The following DLG2 variants were observed in gnomAD, a reference collection of about 807,000 sequenced individuals.
DLG2 encodes discs large MAGUK scaffold protein 2.
A neutral mutation model predicts 132.5 loss-of-function variants in DLG2; 45 were observed. The ratio of observed to expected loss-of-function variants is 0.34; its 90% confidence interval spans 0.27 to 0.44. The LOEUF (loss-of-function observed/expected upper bound fraction) is 0.44, where lower values mean the gene tolerates loss of function less well. Among genes scored for constraint, DLG2 ranks in the 20% least tolerant of loss-of-function variants. The pLI, the probability that DLG2 is intolerant of heterozygous loss-of-function variation, is 1.00. For missense variants in DLG2, 1,045 were observed against 1,196.9 expected (o/e 0.87, Z 1.87); for synonymous variants, 424 against 419.6 (o/e 1.01, Z -0.13).
chr11:84,019,214 G>T (rs927433410), intron 11 of DLG2, among the ~76,000 whole-genome samples: 2 of 152,034 alleles, frequency 1.3e-5, no homozygotes, highest in African/African-American at 4.8e-5. Context: ...TATTCTCTAT[G>T]TGTGCATGTA....
intron 6 of DLG2, among the ~76,000 whole-genome samples, chr11:84,859,385 CATACATATATATGTATAT>C (rs1309714534): frequency 6.4e-5 from 9 of 141,640 alleles, no homozygotes; most frequent in African/African-American, 1.3e-4. Context: ...CATATATATG[CATACATATATATGTATAT>C]ATACATATAT....
At chr11:84,143,764 T>C (rs1436521320) in intron 9 of DLG2, among the ~76,000 whole-genome samples, 2 of 152,180 alleles carry the variant, frequency 1.3e-5, no homozygotes, top group Non-Finnish European at 2.9e-5. Flanking sequence ...TTCCTTTTCC[T>C]TTCTTCCCAC....
chr11:84,984,746 C>T (rs751108695), intron 6 of DLG2, among the ~76,000 whole-genome samples: 11 of 152,164 alleles, frequency 7.2e-5, no homozygotes, highest in Non-Finnish European at 1.2e-4. Context: ...AAGAGACACA[C>T]CTAACATAAG....
chr11:84,082,097 G>A (rs369567678), intron 10 of DLG2, among the ~76,000 whole-genome samples: 3 of 152,056 alleles, frequency 2.0e-5, no homozygotes, highest in African/African-American at 4.8e-5. Context: ...TTTTTCATGT[G>A]TCTGTTGGCT....
At chr11:85,038,055 T>C (rs531351074) in intron 6 of DLG2, among the ~76,000 whole-genome samples, 6 of 152,014 alleles carry the variant, frequency 3.9e-5, no homozygotes, top group Non-Finnish European at 7.4e-5. Context: ...ATAAAACCAA[T>C]GCATGTAAAT....
At chr11:83,978,375 G>A (rs535465783) in intron 12 of DLG2, among the ~76,000 whole-genome samples, 2 of 151,884 alleles carry the variant, frequency 1.3e-5, no homozygotes, top group South Asian at 2.1e-4. Flanking sequence ...AGAACGAAAC[G>A]GTCTTCATTT....
chr11:84,430,437 C>CA (rs556329699), intron 7 of DLG2, among the ~76,000 whole-genome samples: 335 of 69,746 alleles, frequency 4.8e-3, no homozygotes, highest in East Asian at 0.025. Flanking sequence ...GACTCCATCT[C>CA]AAAAAAAAAA....
intron 11 of DLG2, among the ~76,000 whole-genome samples, chr11:84,029,004 A>G (rs182299888): frequency 7.2e-4 from 110 of 152,254 alleles, no homozygotes; most frequent in African/African-American, 2.4e-3. Context: ...TGAATGAATG[A>G]ACAAATCAAC....
chr11:83,720,448 T>G (rs1186552703), intron 18 of DLG2, among the ~76,000 whole-genome samples: 1 of 151,862 alleles, frequency 6.6e-6, no homozygotes, highest in Non-Finnish European at 1.5e-5. Flanking sequence ...TTTTCAAGAT[T>G]CTCAAAAGCC....
At chr11:84,285,848 C>T (rs2097904277) in intron 7 of DLG2, among the ~76,000 whole-genome samples, 1 of 152,164 alleles carries the variant, frequency 6.6e-6, no homozygotes, top group Non-Finnish European at 1.5e-5. Context: ...TACAATGTAT[C>T]ATCTATATAT....
chr11:84,483,195 G>T (rs1346152403), intron 7 of DLG2, among the ~76,000 whole-genome samples: 4 of 152,116 alleles, frequency 2.6e-5, no homozygotes, highest in African/African-American at 9.7e-5. Context: ...CACTTTGGGA[G>T]GCCGAGGCGG....
chr11:83,906,039 ATGTC>A (rs1213972165), intron 15 of DLG2, among the ~76,000 whole-genome samples: 4 of 140,842 alleles, frequency 2.8e-5, no homozygotes, highest in African/African-American at 8.2e-5. Flanking sequence ...GCTATATCAG[ATGTC>A]TGTCTGTCTG....
intron 3 of DLG2, among the ~76,000 whole-genome samples, chr11:85,364,238 C>T (rs1288580881): frequency 6.6e-6 from 1 of 151,940 alleles, no homozygotes; most frequent in East Asian, 1.9e-4. Context: ...CTGTCTATGC[C>T]CCCAACCATA....
chr11:83,743,074 G>T lies in DLG2; in HGVS notation c.1825+43616C>A, dbSNP rs77815218. Among the ~76,000 whole-genome samples, 6 of 152,132 alleles carry T rather than the reference G, an allele frequency of 3.9e-5. No homozygotes were observed. The East Asian group carries it at 1.2e-3, about 29-fold the overall frequency. ...CATTAATAATGACTAAAAAGAAATG[G>T]ATCTATCCAACCAAGACTAGGGTAA... is the stretch of plus-strand genomic sequence containing the variant. On this transcript the variant is annotated intron_variant, in intron 18 of 27. Coordinates refer to ENST00000376104, the MANE Select transcript of DLG2 (RefSeq NM_001142699.3).
chr11:85,450,089 A>G (rs2092180271), intron 3 of DLG2, among the ~76,000 whole-genome samples: 1 of 152,150 alleles, frequency 6.6e-6, no homozygotes, highest in African/African-American at 2.4e-5. Flanking sequence ...AGATCGCACC[A>G]CTGCACTCCA....
intron 6 of DLG2, chr11:84,545,727 C>T (rs2099388299): frequency 3.9e-6 from 1 of 254,260 alleles, no homozygotes; most frequent in South Asian, 6.0e-5. Flanking sequence ...CCACATTCTT[C>T]AAAGTAATGT....
rs11826720 is a variant in DLG2 at position 84,916,336 on chromosome 11, G to T, written c.357+195325C>A. Among the ~76,000 whole-genome samples the T allele has an allele frequency of 1.5e-4, 15 of 97,084 alleles. No individual in the cohort carries two copies. The South Asian group carries it at 2.0e-3, about 13-fold the overall frequency. The allele number at this position is 97,084 out of a possible 152,430, so 63.7% of individuals were successfully genotyped here. On this transcript the variant is annotated intron_variant, in intron 6 of 27. Transcript: ENST00000376104. The stretch of plus-strand genomic sequence containing the variant: ...TGCACTCCAGCCTGGGCGACAGAGC[G>T]AGACTCCGTCTCAAAAAAAAAAAAA...
intron 6 of DLG2, among the ~76,000 whole-genome samples, chr11:84,667,501 T>TG (rs1555150360): frequency 8.6e-6 from 1 of 116,168 alleles, no homozygotes; most frequent in African/African-American, 3.3e-5. Flanking sequence ...GTTTTTTGTT[T>TG]TTTTTTTTTT....
chr11:85,312,498 T>C (rs1275165968), intron 3 of DLG2, among the ~76,000 whole-genome samples: 1 of 151,736 alleles, frequency 6.6e-6, no homozygotes, highest in Non-Finnish European at 1.5e-5. Flanking sequence ...TGTTATAAAT[T>C]AAATTTGATA....
Sources: gnomAD v4.1 joint callset for allele counts (sites outside exome capture counted in the v4.1 genomes callset) on GRCh38, gnomAD v4.1.1 for gene constraint, MANE v1.5 for transcripts, NCBI Gene and HGNC (gene_info 2026-07-23, HGNC 2026-07-21) for gene names.